The following KDM6A variants were observed in gnomAD, a reference collection of about 807,000 sequenced individuals.
The protein encoded by KDM6A is lysine demethylase 6A, also known as lysine-specific demethylase 6A.
Under a neutral mutation model 117.6 loss-of-function variants are expected in KDM6A, and 11 were observed. The observed-to-expected ratio is 0.09, with a 90% CI of 0.06 to 0.15. The LOEUF (loss-of-function observed/expected upper bound fraction) is 0.15, where lower values mean the gene tolerates loss of function less well. Among genes scored for constraint, KDM6A ranks in the 10% least tolerant of loss-of-function variants. KDM6A has a pLI of 1.00. For synonymous variants in KDM6A, 384 were observed against 396.1 expected, an observed-to-expected ratio of 0.97 and a Z score of 0.36; for missense variants, 799 against 1,077.3, an observed-to-expected ratio of 0.74 and a Z score of 3.62.
chrX:45,074,814 T>C (rs1266279353), intron 18 of KDM6A, among the ~76,000 whole-genome samples: 1 of 112,183 alleles, frequency 8.9e-6, no homozygotes, highest in African/African-American at 3.2e-5. Flanking sequence ...CTTTTCTATT[T>C]TAAAATATTG....
At chrX:44,936,582 T>G (rs2036981736) in intron 2 of KDM6A, among the ~76,000 whole-genome samples, 2 of 111,941 alleles carry the variant, frequency 1.8e-5, no homozygotes, top group Admixed American at 1.9e-4. Context: ...TAATCATTGT[T>G]ACTACTACAG....
chrX:45,068,796 T>TTCTCTG (rs1156985653), intron 17 of KDM6A, among the ~76,000 whole-genome samples: 6 of 91,732 alleles, frequency 6.5e-5, no homozygotes, highest in African/African-American at 2.2e-4. Flanking sequence ...TTCTTTCTCT[T>TTCTCTG]TCTCTTTCTC....
intron 2 of KDM6A, among the ~76,000 whole-genome samples, chrX:44,880,572 A>G (rs1347453025): frequency 3.7e-5 from 4 of 108,382 alleles, no homozygotes; most frequent in Non-Finnish European, 5.7e-5. Flanking sequence ...GGATGGATCA[A>G]CTGAGGTCAG....
intron 2 of KDM6A, among the ~76,000 whole-genome samples, chrX:44,939,089 C>T (rs1569461221): frequency 8.9e-6 from 1 of 112,219 alleles, no homozygotes; most frequent in Non-Finnish European, 1.9e-5. Context: ...ATTGTGCAGC[C>T]CATAGATCAA....
chrX:45,040,275 ACCCCCCCAC>A (rs2043020183), intron 8 of KDM6A, among the ~76,000 whole-genome samples: 2 of 18,898 alleles, frequency 1.1e-4, no homozygotes, highest in African/African-American at 3.9e-4. Context: ...GGGGGTGCTG[ACCCCCCCAC>A]CTCCCTCCCG....
chrX:45,059,933 A>G, intron 12 of KDM6A, 89 bp from the exon 13 acceptor site: 1 of 1,140,878 alleles, frequency 8.8e-7, no homozygotes, highest in South Asian at 1.9e-5. Flanking sequence ...TTTAAAAACA[A>G]TTAGCTATAG....
intron 21 of KDM6A, 141 bp downstream of exon 21, chrX:45,079,492 CGTATGTATATAT>C (rs1259816410): frequency 8.5e-6 from 4 of 468,263 alleles, no homozygotes; most frequent in East Asian, 3.8e-5. Context: ...CCAGTTGTCT[CGTATGTATATAT>C]GTATGTATGT....
At chrX:44,895,457 C>CTT (rs1225560971) in intron 2 of KDM6A, among the ~76,000 whole-genome samples, 73 of 81,709 alleles carry the variant, frequency 8.9e-4, no homozygotes, top group East Asian at 6.0e-3. Context: ...TTATTGATTG[C>CTT]TTTTTTTTTT....
chrX:44,887,547 G>A (rs2032992196), intron 2 of KDM6A, among the ~76,000 whole-genome samples: 1 of 111,078 alleles, frequency 9.0e-6, no homozygotes, highest in African/African-American at 3.3e-5. Flanking sequence ...GTGTTCCGTG[G>A]CCACATCACA....
chrX:45,109,827 G>A (rs1335552857), intron 28 of KDM6A, among the ~76,000 whole-genome samples: 4 of 111,624 alleles, frequency 3.6e-5, no homozygotes, highest in Non-Finnish European at 7.5e-5. Flanking sequence ...CTTTGCCAGT[G>A]GTTGTCATGA....
At chrX:44,949,237 A>T (rs1031121971) in intron 2 of KDM6A, among the ~76,000 whole-genome samples, 2 of 110,625 alleles carry the variant, frequency 1.8e-5, no homozygotes. Flanking sequence ...TACAAAAAAA[A>T]TACAAAAATT....
At chrX:44,961,142 T>G (rs1038920050) in intron 2 of KDM6A, 142 bp from the exon 3 acceptor site, 1 of 431,721 alleles carries the variant, frequency 2.3e-6, no homozygotes, top group African/African-American at 2.5e-5. Context: ...GAATGTTGTA[T>G]TGAATATGTC....
At chrX:44,997,174 T>C (rs1476417895) in intron 4 of KDM6A, among the ~76,000 whole-genome samples, 2 of 112,563 alleles carry the variant, frequency 1.8e-5, no homozygotes, top group Non-Finnish European at 3.8e-5. Flanking sequence ...CTATACCTTG[T>C]CGCAAGGACA....
intron 2 of KDM6A, among the ~76,000 whole-genome samples, chrX:44,954,084 TAA>T (rs2038180237): frequency 9.2e-6 from 1 of 109,203 alleles, no homozygotes; most frequent in African/African-American, 3.3e-5. Flanking sequence ...TAATAATACT[TAA>T]GATTATTTTA....
chrX:44,922,555 G>A (rs2036028591), intron 2 of KDM6A, among the ~76,000 whole-genome samples: 2 of 111,436 alleles, frequency 1.8e-5, no homozygotes, highest in Non-Finnish European at 1.9e-5. Flanking sequence ...TGCAACCTCC[G>A]CATCCCGCGT....
intron 4 of KDM6A, among the ~76,000 whole-genome samples, chrX:44,980,089 C>T (rs866546580): frequency 1.4e-4 from 15 of 107,081 alleles, no homozygotes; most frequent in African/African-American, 4.1e-4. Flanking sequence ...CTTCGCCTCC[C>T]GGGTTCAAGT....
At chrX:44,897,105 C>T (rs1465932824) in intron 2 of KDM6A, among the ~76,000 whole-genome samples, 2 of 102,979 alleles carry the variant, frequency 1.9e-5, no homozygotes, top group East Asian at 3.0e-4. Flanking sequence ...TTAGCTTTTT[C>T]GATTTTTGTC....
At chrX:45,041,621 G>A (rs1222206242) in intron 8 of KDM6A, among the ~76,000 whole-genome samples, 5 of 111,596 alleles carry the variant, frequency 4.5e-5, no homozygotes, top group African/African-American at 1.6e-4. Flanking sequence ...ACAGGGCGGC[G>A]GGGCAGAGGT....
intron 2 of KDM6A, among the ~76,000 whole-genome samples, chrX:44,887,864 T>A (rs1241739204): frequency 9.0e-6 from 1 of 111,163 alleles, no homozygotes; most frequent in Non-Finnish European, 1.9e-5. Context: ...TTAGATTAGC[T>A]GGGCATGGTG....
Sources: allele counts gnomAD v4.1 joint callset (sites outside exome capture counted in the v4.1 genomes callset), GRCh38; gene constraint gnomAD v4.1.1; transcripts MANE v1.5; gene names NCBI Gene and HGNC (gene_info 2026-07-23, HGNC 2026-07-21).